The following ANKS1B variants were observed in gnomAD, a reference collection of about 807,000 sequenced individuals.
ANKS1B encodes the protein ankyrin repeat and sterile alpha motif domain containing 1B.
ANKS1B carries 36 observed loss-of-function variants against 148.3 expected under a neutral mutation model. The observed-to-expected ratio is 0.24, with a 90% CI of 0.19 to 0.32. The LOEUF is 0.32. ANKS1B is among the 10% of genes least tolerant of loss of function. ANKS1B has a pLI of 1.00. For synonymous variants in ANKS1B, 542 were observed against 560.8 expected (o/e 0.97, Z 0.47); for missense variants, 1,157 against 1,542.6 (o/e 0.75, Z 4.19).
chr12:99,511,280 G>A (rs2096763329), intron 9 of ANKS1B, among the ~76,000 whole-genome samples: 1 of 151,686 alleles, frequency 6.6e-6, no homozygotes, highest in Non-Finnish European at 1.5e-5. Flanking sequence ...AATCATGAAT[G>A]AACTGCCACA....
chr12:99,632,767 A>ATATATATATATATATATTTT (rs1441486862), intron 9 of ANKS1B, among the ~76,000 whole-genome samples: 6 of 71,316 alleles, frequency 8.4e-5, no homozygotes, highest in Non-Finnish European at 1.2e-4. Context: ...ATATATATAT[A>ATATATATATATATATATTTT]TTTTAATTAT....
chr12:98,986,771 C>T (rs1456300568), intron 17 of ANKS1B, among the ~76,000 whole-genome samples: 2 of 152,010 alleles, frequency 1.3e-5, no homozygotes, highest in Non-Finnish European at 2.9e-5. Flanking sequence ...TGTATCACCA[C>T]ACCTGGATTT....
At chr12:99,036,318 G>C (rs541200334) in intron 17 of ANKS1B, among the ~76,000 whole-genome samples, 1 of 146,948 alleles carries the variant, frequency 6.8e-6, no homozygotes, top group Non-Finnish European at 1.5e-5. Flanking sequence ...AGAATGGGAG[G>C]TTTTTTTTTT....
intron 14 of ANKS1B, among the ~76,000 whole-genome samples, chr12:99,185,255 T>G (rs879651441): frequency 1.4e-4 from 22 of 152,194 alleles, no homozygotes; most frequent in Non-Finnish European, 1.0e-4. Flanking sequence ...TCAAAAATTA[T>G]GTATGAGAGG....
chr12:99,013,730 G>A (rs1268276177), intron 17 of ANKS1B, among the ~76,000 whole-genome samples: 1 of 152,124 alleles, frequency 6.6e-6, no homozygotes, highest in Admixed American at 6.5e-5. Context: ...CAGTCAAGCT[G>A]AGAGCCAAAT....
rs1472636304 is a variant in ANKS1B, at chr12:98,751,005, G to A, written c.3747+350C>T. Among the ~76,000 whole-genome samples the A allele has an allele frequency of 1.3e-5, 2 of 152,210 alleles. No homozygotes were observed. Among genetic ancestry groups the A allele is most frequent in the African/African-American group, 2.4e-5 (1 of 41,448 alleles). ...GGGCTTGTAGGAGGCTTTGCCCTCT[G>A]ATGGGATGGCAGCTGAAGCCCCAGG... On this transcript the variant is annotated intron_variant, in intron 26 of 26. Coordinates refer to ENST00000683438, the MANE Select transcript of ANKS1B (RefSeq NM_001352186.2). This position sits in a 1 kb window ranked among gnomAD's most constrained non-coding sequence, Gnocchi z 4.3.
intron 1 of ANKS1B, among the ~76,000 whole-genome samples, chr12:99,926,336 G>A (rs1286425680): frequency 6.6e-6 from 1 of 152,174 alleles, no homozygotes; most frequent in Non-Finnish European, 1.5e-5. Context: ...ATTTGGTGAA[G>A]GTGTTTAAAT....
At chr12:99,035,074 C>T (rs2099954683) in intron 17 of ANKS1B, among the ~76,000 whole-genome samples, 1 of 152,070 alleles carries the variant, frequency 6.6e-6, no homozygotes, top group South Asian at 2.1e-4. Context: ...CAGAAGCAGC[C>T]TCAGAAGCAA....
chr12:98,744,079 T>C lies in ANKS1B; in HGVS notation c.*1660A>G. 1.0e-6 allele frequency: 1 copy of C among 983,008 alleles called. No individual in the cohort carries two copies. Among genetic ancestry groups the C allele is most frequent in the Non-Finnish European group, 1.2e-6 (1 of 827,394 alleles). 60.9% of individuals were successfully genotyped at this position (983,008 alleles called of 1,614,324 possible). A position where few individuals can be genotyped will look rare whatever the true frequency, so the allele number is the denominator to read the frequency against. ...GGAAGCCCAAGCTTATTTACACATA[T>C]GCTTCTGTTTCAGCAAAGCTCCTAT... On this transcript the variant is annotated 3_prime_UTR_variant, in exon 27 of 27. Coordinates refer to ENST00000683438, the MANE Select transcript of ANKS1B (RefSeq NM_001352186.2).
intron 14 of ANKS1B, among the ~76,000 whole-genome samples, chr12:99,203,753 G>A (rs949147036): frequency 3.9e-5 from 6 of 152,160 alleles, no homozygotes; most frequent in African/African-American, 1.4e-4. Context: ...ACCCGGCCAA[G>A]ACCTGCTTCT....
intron 8 of ANKS1B, among the ~76,000 whole-genome samples, chr12:99,722,080 T>G (rs2058143172): frequency 6.6e-6 from 1 of 152,180 alleles, no homozygotes; most frequent in Non-Finnish European, 1.5e-5. Flanking sequence ...ATTTTGAAGC[T>G]AGCAGGGGTT....
intron 12 of ANKS1B, among the ~76,000 whole-genome samples, chr12:99,271,255 C>T (rs932998111): frequency 3.3e-5 from 5 of 152,158 alleles, no homozygotes; most frequent in African/African-American, 1.2e-4. Context: ...TGTTTACTGT[C>T]ACATGGTTAG....
chr12:99,431,120 C>A (rs150119613), intron 11 of ANKS1B, among the ~76,000 whole-genome samples: 1 of 152,094 alleles, frequency 6.6e-6, no homozygotes, highest in African/African-American at 2.4e-5. Flanking sequence ...GTCTTAAAGG[C>A]GAAAATATAG....
chr12:99,445,702 G>T (rs1016669730), intron 10 of ANKS1B, among the ~76,000 whole-genome samples: 1 of 151,774 alleles, frequency 6.6e-6, no homozygotes, highest in Non-Finnish European at 1.5e-5. Flanking sequence ...CCCTGCCCTC[G>T]AGAAGTATAC....
intron 8 of ANKS1B, among the ~76,000 whole-genome samples, chr12:99,754,784 A>C (rs1486003896): frequency 6.6e-6 from 1 of 152,124 alleles, no homozygotes; most frequent in Non-Finnish European, 1.5e-5. Flanking sequence ...GCAATCAATA[A>C]GTTATTTGGA....
At chr12:99,590,054 C>A (rs1384648547) in intron 9 of ANKS1B, among the ~76,000 whole-genome samples, 1 of 151,862 alleles carries the variant, frequency 6.6e-6, no homozygotes, top group African/African-American at 2.4e-5. Flanking sequence ...ATTATGTAAT[C>A]ATTAAAACAG....
intron 8 of ANKS1B, among the ~76,000 whole-genome samples, chr12:99,669,435 CT>C (rs968304898): frequency 3.7e-4 from 54 of 146,704 alleles, no homozygotes; most frequent in Non-Finnish European, 3.8e-4. Context: ...CTTGCTTTTA[CT>C]TTTTTTTTTT....
chr12:98,978,538 C>G (rs2099902038), intron 17 of ANKS1B, among the ~76,000 whole-genome samples: 1 of 151,958 alleles, frequency 6.6e-6, no homozygotes, highest in Admixed American at 6.6e-5. Flanking sequence ...TTTCTTGGAT[C>G]TGTGGGCTTA....
intron 15 of ANKS1B, among the ~76,000 whole-genome samples, chr12:99,097,751 G>A (rs1396423743): frequency 6.6e-6 from 1 of 152,158 alleles, no homozygotes; most frequent in Non-Finnish European, 1.5e-5. Flanking sequence ...GTATAAATCT[G>A]AAAAGGTAAT....
Sources: allele counts gnomAD v4.1 joint callset (sites outside exome capture counted in the v4.1 genomes callset), GRCh38; gene constraint gnomAD v4.1.1; non-coding constraint Gnocchi (gnomAD v3.1); transcripts MANE v1.5; gene names NCBI Gene and HGNC (gene_info 2026-07-23, HGNC 2026-07-21).